CFAP61: variants seen among roughly 807,000 people sequenced by gnomAD.
The protein encoded by CFAP61 is cilia- and flagella-associated protein 61.
Under a neutral mutation model 135.6 loss-of-function variants are expected in CFAP61, and 107 were observed. That is an observed-to-expected ratio of 0.79 (90% confidence interval 0.67 to 0.93). CFAP61 has a LOEUF of 0.93. CFAP61 is among the 40% of genes least tolerant of loss of function. CFAP61 has a pLI of 0.00. For missense variants in CFAP61, 1,507 were observed against 1,556.2 expected (o/e 0.97, Z 0.53); for synonymous variants, 575 against 578.5 (o/e 0.99, Z 0.09).
chr20:20,198,159 C>T (rs1467842605), intron 16 of CFAP61, among the ~76,000 whole-genome samples: 1 of 152,098 alleles, frequency 6.6e-6, no homozygotes, highest in African/African-American at 2.4e-5. Flanking sequence ...CAAAATGCAG[C>T]ACCATGGCAA....
At chr20:20,065,616 GAAAA>G (rs11445024) in intron 2 of CFAP61, among the ~76,000 whole-genome samples, 1 of 136,274 alleles carries the variant, frequency 7.3e-6, no homozygotes, top group African/African-American at 2.8e-5. Flanking sequence ...TAGACATTTT[GAAAA>G]AAAAAAAAAA....
chr20:20,292,951 T>C (rs2055104168), intron 24 of CFAP61, among the ~76,000 whole-genome samples: 1 of 149,886 alleles, frequency 6.7e-6, no homozygotes, highest in African/African-American at 2.5e-5. Flanking sequence ...AGGCAGAGAG[T>C]GTCAGGGTCA....
At chr20:20,195,743 C>T (rs16981668) in intron 15 of CFAP61, among the ~76,000 whole-genome samples, 11,869 of 152,122 alleles carry the variant, frequency 0.078, 1,280 homozygotes, top group East Asian at 0.56. Flanking sequence ...GGCCCAATTA[C>T]GCAGTTTTAT....
intron 8 of CFAP61, among the ~76,000 whole-genome samples, chr20:20,135,261 G>A (rs1386273982): frequency 6.6e-6 from 1 of 152,152 alleles, no homozygotes; most frequent in East Asian, 1.9e-4. Flanking sequence ...CTTGATTTCA[G>A]CCCAGGGATA....
At chr20:20,259,422 ATTTTTT>A in intron 20 of CFAP61, among the ~76,000 whole-genome samples, 1 of 135,628 alleles carries the variant, frequency 7.4e-6, no homozygotes, top group Non-Finnish European at 1.6e-5. Flanking sequence ...AACCCAGCTA[ATTTTTT>A]TTTTTTTTTT....
At chr20:20,239,892 T>C (rs1210082623) in intron 18 of CFAP61, among the ~76,000 whole-genome samples, 3 of 152,042 alleles carry the variant, frequency 2.0e-5, no homozygotes, top group Admixed American at 1.3e-4. Flanking sequence ...CTAGACAAGA[T>C]GGTGAACTAA....
intron 8 of CFAP61, among the ~76,000 whole-genome samples, chr20:20,118,301 CTTTCTTTT>C (rs1293565552): frequency 9.3e-6 from 1 of 107,982 alleles, no homozygotes; most frequent in Non-Finnish European, 2.0e-5. Context: ...TTCTTTCTTT[CTTTCTTTT>C]CTTTCTTTCT....
intron 26 of CFAP61, 43 bp downstream of exon 26, chr20:20,341,964 A>G (rs368861154): frequency 8.8e-6 from 12 of 1,360,230 alleles, no homozygotes; most frequent in South Asian, 8.6e-5. Context: ...CTTGCAAATT[A>G]TAAGCAGCTG....
At chr20:20,086,776 G>A (rs76896864) in intron 6 of CFAP61, among the ~76,000 whole-genome samples, 7,171 of 152,212 alleles carry the variant, frequency 0.047, 561 homozygotes, top group African/African-American at 0.16. Flanking sequence ...AGCATTTTCC[G>A]TGGTTGGGAA....
intron 22 of CFAP61, among the ~76,000 whole-genome samples, chr20:20,282,185 ACT>A (rs557806130): frequency 6.9e-6 from 1 of 145,814 alleles, no homozygotes; most frequent in Non-Finnish European, 1.5e-5. Context: ...TCTGTCTCTG[ACT>A]CTCTCTCTTT....
At chr20:20,202,724 G>A (rs1186792937) in intron 17 of CFAP61, among the ~76,000 whole-genome samples, 2 of 151,990 alleles carry the variant, frequency 1.3e-5, no homozygotes, top group African/African-American at 2.4e-5. Context: ...CCAAATGAAT[G>A]AATTTTCCCT....
intron 13 of CFAP61, among the ~76,000 whole-genome samples, chr20:20,172,604 C>T (rs954350510): frequency 2.0e-5 from 3 of 152,134 alleles, no homozygotes; most frequent in African/African-American, 7.2e-5. Flanking sequence ...AGGTGTGAGG[C>T]ACCACACCTG....
At chr20:20,113,603 C>A (rs1043859480) in intron 8 of CFAP61, among the ~76,000 whole-genome samples, 4 of 152,134 alleles carry the variant, frequency 2.6e-5, no homozygotes, top group Admixed American at 6.5e-5. Context: ...GTCTCCTGCC[C>A]CATGTTGTTT....
chr20:20,330,343 T>G (rs6137000), intron 25 of CFAP61, among the ~76,000 whole-genome samples: 1 of 151,940 alleles, frequency 6.6e-6, no homozygotes, highest in East Asian at 1.9e-4. Flanking sequence ...TTTTTGTTTG[T>G]TTGTTTGTTT....
chr20:20,263,431 A>G (rs1201055827), intron 21 of CFAP61, among the ~76,000 whole-genome samples: 1 of 152,214 alleles, frequency 6.6e-6, no homozygotes, highest in Non-Finnish European at 1.5e-5. Flanking sequence ...TTAAAGAATA[A>G]TTTAATAAGC....
At chr20:20,062,717 A>G (rs1012036666) in intron 2 of CFAP61, among the ~76,000 whole-genome samples, 2 of 152,212 alleles carry the variant, frequency 1.3e-5, no homozygotes, top group African/African-American at 4.8e-5. Flanking sequence ...TAGATCCACA[A>G]TCCTTTAACT....
intron 12 of CFAP61, among the ~76,000 whole-genome samples, chr20:20,167,777 C>A (rs1414960972): frequency 2.0e-5 from 3 of 152,206 alleles, no homozygotes; most frequent in Non-Finnish European, 4.4e-5. Flanking sequence ...GACAATGGTT[C>A]ACTCCTTTGA....
intron 22 of CFAP61, among the ~76,000 whole-genome samples, chr20:20,285,554 CTCTT>C (rs2054518554): frequency 6.6e-6 from 1 of 152,098 alleles, no homozygotes; most frequent in South Asian, 2.1e-4. Flanking sequence ...AGTTCACTGA[CTCTT>C]TCCTCTATCA....
At position 20,359,118 on chromosome 20, in the gene CFAP61, T is replaced by G. The variant is rs891997932; in HGVS notation, c.3514-1092T>G. Among the ~76,000 whole-genome samples the G allele has an allele frequency of 1.3e-5, 2 of 152,208 alleles. No individual in the cohort carries two copies. The highest frequency in any genetic ancestry group is 2.9e-5 in the Non-Finnish European group (2 of 68,040). On this transcript the variant is annotated intron_variant, in intron 26 of 26. Transcript: ENST00000245957. This position sits in a 1 kb window ranked among gnomAD's most constrained non-coding sequence, Gnocchi z 4.0. Reference sequence around the variant, plus strand: ...TCTTCAACTTGTCTCTGAAAATTTTTATAATGAAATGTTAGGAAAATCTCT... The same window carrying G: ...TCTTCAACTTGTCTCTGAAAATTTTGATAATGAAATGTTAGGAAAATCTCT...
Sources: allele counts gnomAD v4.1 joint callset (sites outside exome capture counted in the v4.1 genomes callset), GRCh38; gene constraint gnomAD v4.1.1; non-coding constraint Gnocchi (gnomAD v3.1); transcripts MANE v1.5; gene names NCBI Gene and HGNC (gene_info 2026-07-23, HGNC 2026-07-21).